The following TAOK3 variants were observed in gnomAD, a reference collection of about 807,000 sequenced individuals.
TAOK3 encodes the protein serine/threonine-protein kinase TAO3.
TAOK3 carries 40 observed loss-of-function variants against 120.4 expected under a neutral mutation model. The ratio of observed to expected loss-of-function variants is 0.33; its 90% CI spans 0.26 to 0.43. TAOK3 has a LOEUF of 0.43. Ranked by LOEUF, TAOK3 falls within the 20% of genes least tolerant of loss-of-function variation. The pLI, the probability that TAOK3 is intolerant of heterozygous loss-of-function variation, is 1.00. For missense variants in TAOK3, 821 were observed against 1,112.1 expected (o/e 0.74, Z 3.72); for synonymous variants, 355 against 387.5 (o/e 0.92, Z 0.99).
At chr12:118,220,032 A>C (rs1408493342) in intron 9 of TAOK3, among the ~76,000 whole-genome samples, 1 of 145,620 alleles carries the variant, frequency 6.9e-6, no homozygotes, top group East Asian at 2.0e-4. Context: ...CACCCTCCCT[A>C]GTAGCCGCAG....
intron 14 of TAOK3, among the ~76,000 whole-genome samples, chr12:118,188,791 C>T (rs1167497880): frequency 1.3e-5 from 2 of 152,212 alleles, no homozygotes; most frequent in Non-Finnish European, 2.9e-5. Flanking sequence ...TACACTAACT[C>T]TTCCTGCCCA....
chr12:118,201,447 C>T lies in TAOK3; in HGVS notation c.836G>A (p.Arg279Gln), dbSNP rs371449372. 17 of 1,608,488 alleles carry T rather than the reference C, an allele frequency of 1.1e-5. No homozygotes were observed. In the African/African-American group the frequency reaches 1.7e-4, roughly 16 times the overall value. ...AELLRHDFVRRDRPLRVLIDL... is the reference protein window; with the variant it reads ...AELLRHDFVRQDRPLRVLIDL... ...AATGAGGACACGTAGTGGCCGGTCT[C>T]GTCGAACAAAGTCATGCTGATTGAG... Residue 279 changes from arginine (R) to glutamine (Q), a missense_variant, in exon 12 of 21, where the codon CGA (arginine) becomes CAA (glutamine). By Grantham distance (43) the Arg-to-Gln change is conservative. This residue lies in a region of TAOK3 where 467 missense variants were observed against 540.0 expected (regional missense o/e 0.86). Coordinates refer to ENST00000392533, the MANE Select transcript of TAOK3 (RefSeq NM_016281.4).
chr12:118,206,624 G>C (rs1016844667), intron 11 of TAOK3, among the ~76,000 whole-genome samples: 3 of 151,732 alleles, frequency 2.0e-5, no homozygotes, highest in African/African-American at 7.3e-5. Context: ...TTGGGACAGA[G>C]TCTTGCTGTG....
At chr12:118,197,682 CTTTTTTTTTTTTT>C (rs67635506) in intron 13 of TAOK3, among the ~76,000 whole-genome samples, 1 of 90,780 alleles carries the variant, frequency 1.1e-5, no homozygotes, top group South Asian at 4.0e-4. Context: ...GCAAAACCTT[CTTTTTTTTTTTTT>C]TTTTTTTTTT....
chr12:118,263,312 C>T (rs1430443453), intron 2 of TAOK3, among the ~76,000 whole-genome samples: 1 of 152,112 alleles, frequency 6.6e-6, no homozygotes, highest in African/African-American at 2.4e-5. Flanking sequence ...GATATTTGGT[C>T]CATACTAACA....
intron 17 of TAOK3, among the ~76,000 whole-genome samples, chr12:118,163,269 GTTAC>G (rs1325630781): frequency 2.0e-5 from 3 of 152,150 alleles, no homozygotes; most frequent in Non-Finnish European, 2.9e-5. Flanking sequence ...TGATGCCTAA[GTTAC>G]TTACTGCTTC....
chr12:118,163,452 G>GC (rs1231909384), intron 17 of TAOK3, among the ~76,000 whole-genome samples: 99 of 149,214 alleles, frequency 6.6e-4, no homozygotes, highest in African/African-American at 2.3e-3. Flanking sequence ...TTTTTTTGGG[G>GC]GGGGTGGGGG....
chr12:118,326,332 T>C (rs1307961932), intron 1 of TAOK3, among the ~76,000 whole-genome samples: 2 of 152,206 alleles, frequency 1.3e-5, no homozygotes, highest in Non-Finnish European at 2.9e-5. Flanking sequence ...TGTGAATTTA[T>C]TTCTGGGTTC....
At chr12:118,209,170 G>T (rs1055905893) in intron 11 of TAOK3, among the ~76,000 whole-genome samples, 6 of 152,142 alleles carry the variant, frequency 3.9e-5, no homozygotes, top group African/African-American at 1.4e-4. Flanking sequence ...CCATTAAAAA[G>T]AATGAGGTAG....
At chr12:118,222,462 G>A (rs2039283647) in intron 9 of TAOK3, among the ~76,000 whole-genome samples, 1 of 152,020 alleles carries the variant, frequency 6.6e-6, no homozygotes, top group South Asian at 2.1e-4. Flanking sequence ...GAACCCGGGA[G>A]GCGGTGGTTG....
rs760474385 is a variant in TAOK3 at position 118,151,166 on chromosome 12, A to C, written c.2536-8T>G. The C allele has an allele frequency of 1.2e-6, 2 of 1,611,432 alleles. No homozygotes were observed. Among genetic ancestry groups the C allele is most frequent in the Non-Finnish European group, 1.7e-6 (2 of 1,179,828 alleles). On this transcript the variant is annotated splice_polypyrimidine_tract_variant and splice_region_variant and intron_variant, in intron 20 of 20. Transcript: ENST00000392533. ...AGCCAGCTCCTCTTCAATCTGAAAG[A>C]AGCACGATGCAGTTCTTAATGGAAA...
chr12:118,169,911 C>T (rs1371979778), intron 17 of TAOK3, among the ~76,000 whole-genome samples: 6 of 151,306 alleles, frequency 4.0e-5, no homozygotes, highest in Non-Finnish European at 7.4e-5. Flanking sequence ...TTAGTAGAGA[C>T]GGGGTTTCAC....
chr12:118,243,381 A>G (rs778282458), intron 5 of TAOK3, 34 bp downstream of exon 5: 23 of 1,136,952 alleles, frequency 2.0e-5, no homozygotes, highest in Non-Finnish European at 3.0e-5. Flanking sequence ...AAAAAAATGT[A>G]ATAGTAAAAG....
intron 1 of TAOK3, among the ~76,000 whole-genome samples, chr12:118,334,931 C>A (rs1349722345): frequency 6.6e-6 from 1 of 150,652 alleles, no homozygotes; most frequent in African/African-American, 2.4e-5. Flanking sequence ...GTAATCCCAG[C>A]ACTTTGGGAG....
chr12:118,270,970 C>T (rs1032545321), intron 1 of TAOK3, among the ~76,000 whole-genome samples: 1 of 152,098 alleles, frequency 6.6e-6, no homozygotes, highest in Non-Finnish European at 1.5e-5. Context: ...AGCCACCACG[C>T]CCGGCTAAAT....
At chr12:118,305,610 T>C (rs539147316) in intron 1 of TAOK3, among the ~76,000 whole-genome samples, 1 of 152,228 alleles carries the variant, frequency 6.6e-6, no homozygotes, top group Admixed American at 6.5e-5. Context: ...TTTATGCATG[T>C]CAAAAAGTTG....
At chr12:118,361,926 T>TA (rs201499899) in intron 1 of TAOK3, among the ~76,000 whole-genome samples, 8 of 151,948 alleles carry the variant, frequency 5.3e-5, no homozygotes, top group African/African-American at 1.7e-4. Flanking sequence ...ATAATAATAA[T>TA]AAAAAAACAT....
At chr12:118,155,591 T>C (rs2034765076) in intron 19 of TAOK3, among the ~76,000 whole-genome samples, 1 of 152,232 alleles carries the variant, frequency 6.6e-6, no homozygotes. Flanking sequence ...TTAACATTGA[T>C]TGTACTTGCC....
chr12:118,241,803 T>G (rs1165869086), intron 5 of TAOK3, among the ~76,000 whole-genome samples: 1 of 152,142 alleles, frequency 6.6e-6, no homozygotes, highest in Admixed American at 6.5e-5. Context: ...TTATTAGCAG[T>G]CTATATAATC....
Sources: gnomAD v4.1 joint callset for allele counts (sites outside exome capture counted in the v4.1 genomes callset) on GRCh38, gnomAD v4.1.1 for gene constraint, gnomAD v4.1.1 regional missense constraint, MANE v1.5 for transcripts, NCBI Gene and HGNC (gene_info 2026-07-23, HGNC 2026-07-21) for gene names.